The following DTNB variants were observed in gnomAD, a reference collection of about 807,000 sequenced individuals.
DTNB encodes DTN-B.
Under a neutral mutation model 90.7 loss-of-function variants are expected in DTNB, and 63 were observed. The ratio of observed to expected loss-of-function variants is 0.69; its 90% confidence interval spans 0.57 to 0.86. The LOEUF (loss-of-function observed/expected upper bound fraction) is 0.86. Ranked by LOEUF, DTNB falls within the 40% of genes least tolerant of loss-of-function variation. The pLI, the probability that DTNB is intolerant of heterozygous loss-of-function variation, is 0.00. For missense variants in DTNB, 744 were observed against 807.1 expected, an observed-to-expected ratio of 0.92 and a Z score of 0.95; for synonymous variants, 277 against 286.7, an observed-to-expected ratio of 0.97 and a Z score of 0.34.
At chr2:25,604,917 C>T (rs1010849186) in intron 5 of DTNB, among the ~76,000 whole-genome samples, 1 of 152,098 alleles carries the variant, frequency 6.6e-6, no homozygotes, top group African/African-American at 2.4e-5. Flanking sequence ...CACAGTCTCA[C>T]TACGTTGCCC....
At position 25,616,630 on chromosome 2, in the gene DTNB, T is replaced by TAAAAAAAAAAAAAAAAAAAAAAAAAA. The variant is rs58950790; in HGVS notation, c.363-9310_363-9309insTTTTTTTTTTTTTTTTTTTTTTTTTT. 1.0e-4 allele frequency among the ~76,000 whole-genome samples: 12 copies of TAAAAAAAAAAAAAAAAAAAAAAAAAA among 117,666 alleles called. 1 individual carries two copies. The highest frequency in any genetic ancestry group is 2.7e-4 in the African/African-American group (8 of 29,202). 77.2% of individuals were successfully genotyped at this position (117,666 alleles called of 152,430 possible). A position where few individuals can be genotyped will look rare whatever the true frequency, so the allele number is the denominator to read the frequency against. ...ATAATCTAGATCAGGCTATTTATAG[T>TAAAAAAAAAAAAAAAAAAAAAAAAAA]AAAAAAAAAAAAAAAGACTTGGCCG... On this transcript the variant is annotated intron_variant, in intron 4 of 20. Coordinates refer to ENST00000406818, the MANE Select transcript of DTNB (RefSeq NM_021907.5).
intron 18 of DTNB, chr2:25,386,004 T>C: frequency 2.0e-6 from 2 of 985,044 alleles, no homozygotes; most frequent in Non-Finnish European, 2.4e-6. Context: ...GGAGCTGCAT[T>C]AGGGAAAGCG....
chr2:25,608,189 G>C (rs1488213557), intron 4 of DTNB, among the ~76,000 whole-genome samples: 1 of 152,134 alleles, frequency 6.6e-6, no homozygotes, highest in Non-Finnish European at 1.5e-5. Context: ...TTGTAACTTA[G>C]AGTAAAACAC....
intron 8 of DTNB, among the ~76,000 whole-genome samples, chr2:25,553,940 CCCTTT>C (rs1224851673): frequency 6.6e-6 from 1 of 151,938 alleles, no homozygotes; most frequent in Non-Finnish European, 1.5e-5. Flanking sequence ...GCTTTGGCTT[CCCTTT>C]CGAGAAAAAA....
At chr2:25,479,205 T>C (rs796689857) in intron 10 of DTNB, among the ~76,000 whole-genome samples, 12 of 152,350 alleles carry the variant, frequency 7.9e-5, no homozygotes, top group African/African-American at 2.9e-4. Context: ...TAAGTATCCA[T>C]AAACACAGCT....
At chr2:25,595,156 G>A (rs377590482) in intron 6 of DTNB, 4 of 152,128 alleles carry the variant, frequency 2.6e-5, no homozygotes, top group South Asian at 2.1e-4. Context: ...AGGAGTTACC[G>A]GAGAAGTGAT....
chr2:25,471,185 C>T lies in DTNB; in HGVS notation c.1079+11611G>A, dbSNP rs569450335. ...CAAACAAGCCCAATGACATGCCAGG[C>T]TCTATAGGTTCTCTGGCACAGCCAG... On this transcript the variant is annotated intron_variant, in intron 10 of 20. Coordinates refer to ENST00000406818, the MANE Select transcript of DTNB (RefSeq NM_021907.5). Among the ~76,000 whole-genome samples, 4 of 152,324 alleles carry T rather than the reference C, an allele frequency of 2.6e-5. No homozygotes were observed. In the South Asian group the frequency reaches 8.3e-4, roughly 32 times the overall value.
intron 8 of DTNB, among the ~76,000 whole-genome samples, chr2:25,545,017 T>C (rs1183742661): frequency 6.6e-6 from 1 of 152,220 alleles, no homozygotes. Flanking sequence ...ATCTTTTTGT[T>C]CCACCCTTTA....
intron 9 of DTNB, among the ~76,000 whole-genome samples, chr2:25,483,452 T>C (rs1340070405): frequency 6.6e-6 from 1 of 152,182 alleles, no homozygotes; most frequent in Non-Finnish European, 1.5e-5. Context: ...ATAAAGACTC[T>C]GGAACAAACT....
chr2:25,652,742 G>A, intron 1 of DTNB, 81 bp from the exon 2 acceptor site: 1 of 1,434,328 alleles, frequency 7.0e-7, no homozygotes, highest in Non-Finnish European at 9.4e-7. Context: ...TGTGAAGAGG[G>A]ACCGGAAACC....
At chr2:25,666,684 A>G (rs1360521419) in intron 1 of DTNB, among the ~76,000 whole-genome samples, 1 of 152,172 alleles carries the variant, frequency 6.6e-6, no homozygotes, top group Admixed American at 6.5e-5. Flanking sequence ...CAAAAACAAG[A>G]TAAACCTCTA....
chr2:25,538,130 G>C (rs921786371), intron 8 of DTNB, among the ~76,000 whole-genome samples: 14 of 151,924 alleles, frequency 9.2e-5, no homozygotes, highest in Admixed American at 5.9e-4. Flanking sequence ...TGCCTATAAT[G>C]CCAGCACTTT....
intron 12 of DTNB, among the ~76,000 whole-genome samples, chr2:25,442,558 C>T (rs1349050338): frequency 1.3e-5 from 2 of 152,178 alleles, no homozygotes; most frequent in African/African-American, 4.8e-5. Context: ...TCAAAACAGA[C>T]AGAACTGGGT....
chr2:25,607,096 C>CTG, intron 5 of DTNB, 140 bp downstream of exon 5: 1 of 838,780 alleles, frequency 1.2e-6, no homozygotes, highest in Non-Finnish European at 1.8e-6. Context: ...AACTCACCTA[C>CTG]TGTGAGCCAG....
At chr2:25,559,847 A>ATGTAAC (rs2057982119) in intron 8 of DTNB, among the ~76,000 whole-genome samples, 1 of 152,232 alleles carries the variant, frequency 6.6e-6, no homozygotes, top group East Asian at 1.9e-4. Flanking sequence ...GAAGAAGGCA[A>ATGTAAC]TGTAACCCAG....
At position 25,451,432 on chromosome 2, in the gene DTNB, G is replaced by A. The variant is rs578053773; in HGVS notation, c.1257+116C>T. ...TCTACTCTTAGCATGTGGAAAAGTG[G>A]AAAGTGTCCCCGAGGTACCTGTTCT... On this transcript the variant is annotated intron_variant, in intron 12 of 20. Coordinates refer to ENST00000406818, the MANE Select transcript of DTNB (RefSeq NM_021907.5). 7.2e-6 allele frequency: 8 copies of A among 1,105,124 alleles called. No homozygotes were observed. In the Admixed American group the frequency reaches 1.9e-4, roughly 26 times the overall value. The allele number at this position is 1,105,124 out of a possible 1,614,324, so 68.5% of individuals were successfully genotyped here.
At position 25,424,692 on chromosome 2, in the gene DTNB, G is replaced by A. The variant is rs2050932333; in HGVS notation, c.1554+2843C>T. Among the ~76,000 whole-genome samples, 2 of 149,532 alleles carry A rather than the reference G, an allele frequency of 1.3e-5. No homozygotes were observed. Among genetic ancestry groups the A allele is most frequent in the Non-Finnish European group, 3.0e-5 (2 of 67,510 alleles). On this transcript the variant is annotated intron_variant, in intron 15 of 20. Transcript: ENST00000406818. The surrounding 1 kb of genome is among the most constrained non-coding windows in gnomAD (Gnocchi z 4.1). Reference sequence around the variant, plus strand: ...CCCTATTTTTTTTTTTTTTGAGACTGAGTCTTACTCTCTGACCCTGGCTGG... The same window carrying A: ...CCCTATTTTTTTTTTTTTTGAGACTAAGTCTTACTCTCTGACCCTGGCTGG...
Position 25,627,338 on chromosome 2 carries a change from G to T in DTNB, c.362+833C>A, listed in dbSNP as rs139564710. 8.7e-4 allele frequency among the ~76,000 whole-genome samples: 132 copies of T among 152,206 alleles called. 1 individual carries two copies. The highest frequency in any genetic ancestry group is 3.0e-3 in the African/African-American group (124 of 41,540). On this transcript the variant is annotated intron_variant, in intron 4 of 20. Coordinates refer to ENST00000406818, the MANE Select transcript of DTNB (RefSeq NM_021907.5). ...GAGGCAGGAGAATCGCTTGAACCCGGGGGGTGGAGGTAGTGGTGAGCCGAG... is the reference window on the plus strand; with the variant it reads ...GAGGCAGGAGAATCGCTTGAACCCGTGGGGTGGAGGTAGTGGTGAGCCGAG...
chr2:25,417,738 A>C (rs1013834697), intron 16 of DTNB, among the ~76,000 whole-genome samples: 1 of 152,188 alleles, frequency 6.6e-6, no homozygotes, highest in Admixed American at 6.6e-5. Context: ...CAACAGGTGA[A>C]GTGACACCCT....
Sources: allele counts gnomAD v4.1 joint callset (sites outside exome capture counted in the v4.1 genomes callset), GRCh38; gene constraint gnomAD v4.1.1; non-coding constraint Gnocchi (gnomAD v3.1); transcripts MANE v1.5; gene names NCBI Gene and HGNC (gene_info 2026-07-23, HGNC 2026-07-21).